Variants in XPR1 observed in about 807,000 individuals in gnomAD.
XPR1 encodes solute carrier family 53 member 1.
A neutral mutation model predicts 87.5 loss-of-function variants in XPR1; 28 were observed. That is an observed-to-expected ratio of 0.32 (90% CI 0.24 to 0.44). XPR1 has a LOEUF of 0.44. Ranked by LOEUF, XPR1 falls within the 20% of genes least tolerant of loss-of-function variation. The pLI is 1.00. For missense variants in XPR1, 559 were observed against 862.3 expected (o/e 0.65, Z 4.41); for synonymous variants, 300 against 306.1 (o/e 0.98, Z 0.21).
intron 2 of XPR1, among the ~76,000 whole-genome samples, chr1:180,755,942 G>A (rs1250389415): frequency 6.6e-6 from 1 of 152,148 alleles, no homozygotes; most frequent in Admixed American, 6.5e-5. Flanking sequence ...CTGATTCCAG[G>A]GCTGGGAGAG....
chr1:180,841,391 A>G (rs1651509404), intron 11 of XPR1, among the ~76,000 whole-genome samples: 1 of 151,844 alleles, frequency 6.6e-6, no homozygotes, highest in Non-Finnish European at 1.5e-5. Flanking sequence ...TTTTCCAGAC[A>G]AAGCGACATC....
Position 180,682,388 on chromosome 1 carries a change from A to G in XPR1, c.98A>G (p.Gln33Arg). The G allele has an allele frequency of 6.2e-7, 1 of 1,603,212 alleles. No homozygotes were observed. Among genetic ancestry groups the G allele is most frequent in the Non-Finnish European group, 8.5e-7 (1 of 1,174,596 alleles). ...EAFKDMLYSA[Q>R]DQAPSVEVTD... ...TTCAAGGATATGCTGTATTCAGCTC[A>G]GGACCAGGCACCTTCTGTGGAAGGT... is the stretch of plus-strand genomic sequence containing the variant. Residue 33 changes from glutamine to arginine, a missense_variant, in exon 2 of 15, where the codon CAG becomes CGG. By Grantham distance (43) the Gln-to-Arg change is conservative (BLOSUM62 1). Around this residue, in one of 7 missense-constraint regions of XPR1, gnomAD observed 159 missense variants for 263.3 expected, o/e 0.60. Coordinates refer to ENST00000367590, the MANE Select transcript of XPR1 (RefSeq NM_004736.4).
At position 180,884,364 on chromosome 1, in the gene XPR1, A is replaced by G. The variant is rs1039017926; in HGVS notation, c.*298A>G. On this transcript the variant is annotated 3_prime_UTR_variant, in exon 15 of 15. Transcript: ENST00000367590. ...ATGGATTGTTTACAATCACAAGGAC[A>G]TAGATACCTATCAGGATGAAGAACA... 4.9e-5 allele frequency: 12 copies of G among 244,042 alleles called. No individual in the cohort carries two copies. Among genetic ancestry groups the G allele is most frequent in the Non-Finnish European group, 9.6e-5 (12 of 125,482 alleles). 15.1% of individuals were successfully genotyped at this position (244,042 alleles called of 1,614,324 possible). A position where few individuals can be genotyped will look rare whatever the true frequency, so the allele number is the denominator to read the frequency against.
intron 9 of XPR1, among the ~76,000 whole-genome samples, chr1:180,825,669 G>C (rs1437654163): frequency 6.6e-6 from 1 of 152,184 alleles, no homozygotes; most frequent in Non-Finnish European, 1.5e-5. Flanking sequence ...AAGTTGATGT[G>C]AGTATCAACC....
At chr1:180,812,009 C>CA (rs1393509756) in intron 7 of XPR1, among the ~76,000 whole-genome samples, 1 of 152,120 alleles carries the variant, frequency 6.6e-6, no homozygotes, top group Non-Finnish European at 1.5e-5. Flanking sequence ...CAGCTGCACT[C>CA]ACAACATCAA....
At chr1:180,786,876 T>C (rs1186515111) in intron 2 of XPR1, among the ~76,000 whole-genome samples, 2 of 152,188 alleles carry the variant, frequency 1.3e-5, no homozygotes, top group Admixed American at 1.3e-4. Context: ...CCAACACATT[T>C]ATGTTACCTT....
At chr1:180,864,422 T>G (rs1321546568) in intron 12 of XPR1, among the ~76,000 whole-genome samples, 1 of 152,176 alleles carries the variant, frequency 6.6e-6, no homozygotes, top group East Asian at 1.9e-4. Context: ...GTGTCCATAT[T>G]CTTCACTTCC....
intron 2 of XPR1, among the ~76,000 whole-genome samples, chr1:180,770,747 T>A (rs1315823612): frequency 6.6e-6 from 1 of 152,240 alleles, no homozygotes; most frequent in Non-Finnish European, 1.5e-5. Flanking sequence ...TACTATCTTT[T>A]AAAGTGTTAC....
intron 2 of XPR1, among the ~76,000 whole-genome samples, chr1:180,765,523 G>C (rs1251800761): frequency 6.6e-6 from 1 of 152,154 alleles, no homozygotes; most frequent in Non-Finnish European, 1.5e-5. Flanking sequence ...TTTGGTATGT[G>C]TTGAGGGTTG....
chr1:180,824,842 C>T lies in XPR1; in HGVS notation c.853C>T (p.Leu285=). 1 of 1,614,054 alleles carries T rather than the reference C, an allele frequency of 6.2e-7. No homozygotes were observed. Residue 285 remains leucine, a synonymous_variant, in exon 8 of 15, where the codon CTG becomes TTG. Coordinates refer to ENST00000367590, the MANE Select transcript of XPR1 (RefSeq NM_004736.4). The part of the protein sequence containing the change: ...GFLLIEFLFL[L]GINTYGWRQA... ...TCTTCTGATTGAATTCCTTTTTCTA[C>T]TGGGCATCAACACGTATGGTTGGAG...
At chr1:180,750,649 CT>C (rs954264997) in intron 2 of XPR1, among the ~76,000 whole-genome samples, 62 of 152,076 alleles carry the variant, frequency 4.1e-4, no homozygotes, top group Admixed American at 3.5e-3. Flanking sequence ...ATTACTGTAG[CT>C]TTATAGTAAG....
At chr1:180,754,914 G>A (rs374972472) in intron 2 of XPR1, among the ~76,000 whole-genome samples, 19 of 152,016 alleles carry the variant, frequency 1.2e-4, no homozygotes, top group Admixed American at 5.2e-4. Context: ...AAGCCTGAAT[G>A]GTTTGAGGAT....
intron 2 of XPR1, among the ~76,000 whole-genome samples, chr1:180,753,336 T>G (rs1314156119): frequency 6.6e-6 from 1 of 152,064 alleles, no homozygotes; most frequent in Admixed American, 6.6e-5. Context: ...AGGCCAGGGC[T>G]GGCGAATCGC....
chr1:180,731,706 A>G (rs1031765147), intron 2 of XPR1, among the ~76,000 whole-genome samples: 2 of 152,236 alleles, frequency 1.3e-5, no homozygotes, highest in African/African-American at 4.8e-5. Flanking sequence ...ATTTTAACAC[A>G]TAATCAATAT....
chr1:180,798,354 A>G (rs1297055765), intron 3 of XPR1, among the ~76,000 whole-genome samples: 2 of 152,164 alleles, frequency 1.3e-5, no homozygotes, highest in African/African-American at 4.8e-5. Context: ...TAAAGGGACA[A>G]TTTATAAACT....
intron 2 of XPR1, among the ~76,000 whole-genome samples, chr1:180,721,880 C>T (rs1658189541): frequency 6.6e-6 from 1 of 152,044 alleles, no homozygotes. Context: ...ATGAAACATA[C>T]AAAATATGTG....
At chr1:180,761,864 A>G (rs1167592145) in intron 2 of XPR1, among the ~76,000 whole-genome samples, 1 of 152,194 alleles carries the variant, frequency 6.6e-6, no homozygotes, top group Non-Finnish European at 1.5e-5. Flanking sequence ...AAGACTTGGA[A>G]CCAACCCAAA....
chr1:180,683,903 T>G (rs577180291), intron 2 of XPR1, among the ~76,000 whole-genome samples: 97 of 152,204 alleles, frequency 6.4e-4, no homozygotes, highest in African/African-American at 1.4e-3. Flanking sequence ...TTTCTCCCAT[T>G]CTGTAGGTTG....
chr1:180,729,274 G>A lies in XPR1; in HGVS notation c.121+46863G>A, dbSNP rs374600742. Among the ~76,000 whole-genome samples, 30 of 152,196 alleles carry A rather than the reference G, an allele frequency of 2.0e-4. No homozygotes were observed. In the South Asian group the frequency reaches 4.4e-3, roughly 22 times the overall value. ...GCATTTAGGTTGATTCCCTGTCTTC[G>A]CTGTTGTGAATAGTACTGCGATTAA... is the stretch of plus-strand genomic sequence containing the variant. On this transcript the variant is annotated intron_variant, in intron 2 of 14. Transcript: ENST00000367590.
Sources: gnomAD v4.1 joint callset for allele counts (sites outside exome capture counted in the v4.1 genomes callset) on GRCh38, gnomAD v4.1.1 for gene constraint, gnomAD v4.1.1 regional missense constraint, MANE v1.5 for transcripts, NCBI Gene and HGNC (gene_info 2026-07-23, HGNC 2026-07-21) for gene names.